Variants in CHMP2A observed in about 807,000 individuals in gnomAD.
CHMP2A encodes the protein charged multivesicular body protein 2A, also known as VPS2 homolog A.
Under a neutral mutation model 21.8 loss-of-function variants are expected in CHMP2A, and 6 were observed. The observed-to-expected ratio is 0.28, with a 90% CI of 0.15 to 0.54. CHMP2A has a LOEUF of 0.54. Ranked by LOEUF, CHMP2A falls within the 20% of genes least tolerant of loss-of-function variation. The probability of loss-of-function intolerance (pLI) is 0.95; values close to 1 mark genes in which losing one functional copy is unlikely to be tolerated. For synonymous variants in CHMP2A, 125 were observed against 107.0 expected, an observed-to-expected ratio of 1.17 and a Z score of -1.04; for missense variants, 303 against 293.9, an observed-to-expected ratio of 1.03 and a Z score of -0.23.
At chr19:58,554,357 T>C (rs2053868019) in intron 1 of CHMP2A, 121 bp from the exon 2 acceptor site, 3 of 852,202 alleles carry the variant, frequency 3.5e-6, no homozygotes, top group Non-Finnish European at 5.4e-6. Context: ...GAGGCAGGAA[T>C]GAGGAGCCAA....
chr19:58,552,562 ACT>A (rs1391036396), intron 2 of CHMP2A, 124 bp from the exon 3 acceptor site: 10 of 933,198 alleles, frequency 1.1e-5, no homozygotes, highest in East Asian at 7.9e-5. Context: ...GTTTCCAGAG[ACT>A]CTGGCTAACC....
chr19:58,551,623 T>G lies in CHMP2A; in HGVS notation c.*26A>C. The G allele has an allele frequency of 6.2e-7, 1 of 1,609,410 alleles. No individual in the cohort carries two copies. The highest frequency in any genetic ancestry group is 1.1e-5 in the South Asian group (1 of 90,728). Reference sequence around the variant, plus strand: ...GTGGTAAAAGATCCTGGGCATCCACTGGTTATCTCGGAGTGGCAGGGGCAC... The same window carrying G: ...GTGGTAAAAGATCCTGGGCATCCACGGGTTATCTCGGAGTGGCAGGGGCAC... On this transcript the variant is annotated 3_prime_UTR_variant, in exon 6 of 6. Coordinates refer to ENST00000312547, the MANE Select transcript of CHMP2A (RefSeq NM_014453.4).
At position 58,551,997 on chromosome 19, in the gene CHMP2A, T is replaced by C. The variant is rs140239333; in HGVS notation, c.480-30A>G. ...GGAAGAGAGAGAACTCAGTGAGGGC[T>C]ATGCACTCCGTGAGGGCCAGGCAAA... On this transcript the variant is annotated intron_variant, in intron 4 of 5. Transcript: ENST00000312547. 33 of 1,614,174 alleles carry C rather than the reference T, an allele frequency of 2.0e-5. No individual in the cohort carries two copies. In the Admixed American group the frequency reaches 5.5e-4, roughly 27 times the overall value.
intron 1 of CHMP2A, 169 bp from the exon 2 acceptor site, chr19:58,554,405 C>A (rs1208988533): frequency 1.6e-6 from 1 of 606,790 alleles, no homozygotes; most frequent in African/African-American, 1.9e-5. Context: ...GTCCCGGGGA[C>A]ACATAAAGGG....
rs891673180 is a variant in CHMP2A, at chr19:58,551,764, G to A, written c.554C>T (p.Thr185Ile). The A allele has an allele frequency of 2.5e-6, 4 of 1,614,058 alleles. No homozygotes were observed. In the African/African-American group the frequency reaches 5.3e-5, roughly 22 times the overall value. Reference sequence around the variant, plus strand: ...AGCAGCCACACTAAGCGAGCCCCCAGTTGAGGGGAGGTCTGCAGAGAAAGT... The same window carrying A: ...AGCAGCCACACTAAGCGAGCCCCCAATTGAGGGGAGGTCTGCAGAGAAAGT... ...LTDELSNLPSTGGSLSVAAGG... is the reference protein window; with the variant it reads ...LTDELSNLPSIGGSLSVAAGG... The change falls in exon 6 of 6, where the codon ACT becomes ATT. Residue 185 changes from threonine (T) to isoleucine (I), a missense_variant. Coordinates refer to ENST00000312547, the MANE Select transcript of CHMP2A (RefSeq NM_014453.4).
Position 58,552,285 on chromosome 19 carries a change from T to C in CHMP2A, c.322A>G (p.Lys108Glu). 1 of 1,614,228 alleles carries C rather than the reference T, an allele frequency of 6.2e-7. No homozygotes were observed. ...TGTCTGTTCATGGTGCCCATGGCCTTGGTGACACCCTTCATGGCTTGTGCC... is the reference window on the plus strand; with the variant it reads ...TGTCTGTTCATGGTGCCCATGGCCTCGGTGACACCCTTCATGGCTTGTGCC... ...SMAQAMKGVT[K>E]AMGTMNRQLK... Residue 108 changes from lysine to glutamate, a missense_variant, in exon 3 of 6, where the codon AAG becomes GAG. Coordinates refer to ENST00000312547, the MANE Select transcript of CHMP2A (RefSeq NM_014453.4).
rs1951085741 is a variant in CHMP2A at position 58,552,376 on chromosome 19, T to C, written c.231A>G (p.Val77=). ...CAGCCTGGATGTTGGCCCGCATCAA[T>C]ACAAACTTGCGCACATAGCGCCGGG... ...VRTRRYVRKF[V]LMRANIQAVS... The change falls in exon 3 of 6, where the codon GTA becomes GTG. Residue 77 remains valine (V), a synonymous_variant. Transcript: ENST00000312547. 1.2e-6 allele frequency: 2 copies of C among 1,614,100 alleles called. No homozygotes were observed. The highest frequency in any genetic ancestry group is 2.7e-5 in the African/African-American group (2 of 74,924).
rs756095797 is a variant in CHMP2A at position 58,552,110 on chromosome 19, TCTC to T, written c.421_423del (p.Glu141del). 1.7e-5 allele frequency: 27 copies of T among 1,614,072 alleles called. No homozygotes were observed. The highest frequency in any genetic ancestry group is 6.7e-5 in the African/African-American group (5 of 74,928). On this transcript the variant is annotated inframe_deletion, in exon 4 of 6. Transcript: ENST00000312547. ...GCATCATCAATGGCATCATTCATCA[TCTC>T]CTCCTTCATATCCATGATCTCTGCC...
chr19:58,553,453 C>T (rs1015696452), intron 2 of CHMP2A, among the ~76,000 whole-genome samples: 10 of 151,500 alleles, frequency 6.6e-5, no homozygotes, highest in African/African-American at 2.2e-4. Context: ...TCACTGTAAC[C>T]TCCGCCTCCT....
rs1364765859 is a variant in CHMP2A at position 58,554,066 on chromosome 19, C to T, written c.147G>A (p.Lys49=). 6.2e-7 allele frequency: 1 copy of T among 1,614,018 alleles called. No individual in the cohort carries two copies. Among genetic ancestry groups the T allele is most frequent in the Non-Finnish European group, 8.5e-7 (1 of 1,180,028 alleles). The stretch of plus-strand genomic sequence containing the variant: ...TCACCATCTGGCCTTGCTTGGCCAT[C>T]TTCTTAATGTCTGCAATGATTTTCT... The part of the protein sequence containing the change: ...QEKKIIADIK[K]MAKQGQMDAV... Residue 49 remains lysine, a synonymous_variant, in exon 2 of 6, where the codon AAG becomes AAA. Transcript: ENST00000312547.
intron 2 of CHMP2A, among the ~76,000 whole-genome samples, chr19:58,553,231 G>A (rs2053853523): frequency 6.6e-6 from 1 of 151,516 alleles, no homozygotes; most frequent in African/African-American, 2.4e-5. Flanking sequence ...CTAATTTTTG[G>A]TAGAGTGGGG....
intron 1 of CHMP2A, chr19:58,554,452 C>T (rs759220030): frequency 3.9e-6 from 2 of 508,134 alleles, no homozygotes; most frequent in East Asian, 3.4e-5. Flanking sequence ...AGTGCTGGCC[C>T]GAGCCCCTCC....
rs200151509 is a variant in CHMP2A, at chr19:58,552,087, A to G, written c.447T>C (p.Asp149=). Residue 149 remains aspartate (D), a synonymous_variant, in exon 4 of 6, where the codon GAT becomes GAC. Transcript: ENST00000312547. ...KEEMMNDAID[D]AMGDEEDEEE... ...CTTCATCTTCCTCATCACCCATGGC[A>G]TCATCAATGGCATCATTCATCATCT... 5.8e-5 allele frequency: 93 copies of G among 1,614,084 alleles called. No homozygotes were observed. Among genetic ancestry groups the G allele is most frequent in the Non-Finnish European group, 7.6e-5 (90 of 1,179,988 alleles).
rs752113260 is a variant in CHMP2A, at chr19:58,551,758, C to T, written c.560G>A (p.Gly187Asp). ...CCCACCAGCAGCCACACTAAGCGAG[C>T]CCCCAGTTGAGGGGAGGTCTGCAGA... ...DELSNLPSTG[G>D]SLSVAAGGKK... The change falls in exon 6 of 6, where the codon GGC becomes GAC. Residue 187 changes from glycine to aspartate, a missense_variant. By Grantham distance (94) the Gly-to-Asp change is moderately conservative. Coordinates refer to ENST00000312547, the MANE Select transcript of CHMP2A (RefSeq NM_014453.4). The T allele has an allele frequency of 5.6e-6, 9 of 1,613,914 alleles. No homozygotes were observed. The South Asian group carries it at 7.7e-5, about 14-fold the overall frequency.
At position 58,552,276 on chromosome 19, in the gene CHMP2A, C is replaced by T. The variant is rs1228975817; in HGVS notation, c.331G>A (p.Gly111Ser). The part of the protein sequence containing the change: ...QAMKGVTKAM[G>S]TMNRQLKLPQ... ...AAGCGCACCTGTCTGTTCATGGTGC[C>T]CATGGCCTTGGTGACACCCTTCATG... The change falls in exon 3 of 6, where the codon GGC becomes AGC. Residue 111 changes from glycine to serine, a missense_variant. Gly to Ser is a moderately conservative substitution (Grantham distance 56). Transcript: ENST00000312547. The T allele has an allele frequency of 1.2e-6, 2 of 1,614,144 alleles. No individual in the cohort carries two copies. Among genetic ancestry groups the T allele is most frequent in the Non-Finnish European group, 1.7e-6 (2 of 1,180,036 alleles).
At chr19:58,554,918 G>A (rs1479003327) in intron 1 of CHMP2A, 70 bp downstream of exon 1, 1 of 152,320 alleles carries the variant, frequency 6.6e-6, no homozygotes, top group Non-Finnish European at 1.5e-5. Context: ...ACACCCGGGC[G>A]AGTAGAAGGC....
At position 58,552,135 on chromosome 19, in the gene CHMP2A, T is replaced by A. The variant is rs780023754; in HGVS notation, c.399A>T (p.Ala133=). The change falls in exon 4 of 6, where the codon GCA becomes GCT. Residue 133 remains alanine, a synonymous_variant. Transcript: ENST00000312547. The stretch of plus-strand genomic sequence containing the variant: ...TCTCCTCCTTCATATCCATGATCTC[T>A]GCCTGCCGCTCAAACTCCATCATGA... ...QKIMMEFERQ[A]EIMDMKEEMM... 1 of 1,614,246 alleles carries A rather than the reference T, an allele frequency of 6.2e-7. No homozygotes were observed. The highest frequency in any genetic ancestry group is 2.2e-5 in the East Asian group (1 of 44,888).
rs769667175 is a variant in CHMP2A at position 58,554,204 on chromosome 19, T to C, written c.9A>G (p.Leu3=). 2.4e-5 allele frequency: 38 copies of C among 1,612,954 alleles called. No individual in the cohort carries two copies. The highest frequency in any genetic ancestry group is 1.8e-4 in the Middle Eastern group (1 of 5,616). MD[L]LFGRRKTPEE... is the part of the protein sequence containing the mutation. The stretch of plus-strand genomic sequence containing the variant: ...CTGGCGTCTTCCGGCGCCCGAACAA[T>C]AGGTCCATGATGGTAGAAGCTCACT... Residue 3 remains leucine (L), a synonymous_variant, in exon 2 of 6, where the codon CTA becomes CTG. Coordinates refer to ENST00000312547, the MANE Select transcript of CHMP2A (RefSeq NM_014453.4).
At position 58,554,236 on chromosome 19, in the gene CHMP2A, C is replaced by T. The variant is rs751893148; in HGVS notation, c.-24G>A. 1.2e-6 allele frequency: 2 copies of T among 1,600,814 alleles called. No homozygotes were observed. The highest frequency in any genetic ancestry group is 2.7e-5 in the African/African-American group (2 of 74,308). On this transcript the variant is annotated splice_region_variant and 5_prime_UTR_variant, in exon 2 of 6. Coordinates refer to ENST00000312547, the MANE Select transcript of CHMP2A (RefSeq NM_014453.4). ...ATGATGGTAGAAGCTCACTGGCAGG[C>T]CTGAGACAGATGTGAGTGAGGCCCA... is the stretch of plus-strand genomic sequence containing the variant.
Sources: allele counts gnomAD v4.1 joint callset (sites outside exome capture counted in the v4.1 genomes callset), GRCh38; gene constraint gnomAD v4.1.1; transcripts MANE v1.5; gene names NCBI Gene and HGNC (gene_info 2026-07-23, HGNC 2026-07-21).